OTOP1: variants seen among roughly 807,000 people sequenced by gnomAD.
The protein encoded by OTOP1 is proton channel OTOP1.
OTOP1 carries 59 observed loss-of-function variants against 52.9 expected under a neutral mutation model. That is an observed-to-expected ratio of 1.12 (90% CI 0.91 to 1.39). The LOEUF is 1.39. OTOP1 is among the 40% of genes most tolerant of loss of function. The pLI, the probability that OTOP1 is intolerant of heterozygous loss-of-function variation, is 0.00. For missense variants in OTOP1, 761 were observed against 800.9 expected (o/e 0.95, Z 0.60); for synonymous variants, 317 against 337.7 (o/e 0.94, Z 0.67).
chr4:4,223,409 A>G (rs145990826), intron 1 of OTOP1, among the ~76,000 whole-genome samples: 5,786 of 149,100 alleles, frequency 0.039, 146 homozygotes, highest in African/African-American at 0.063. Context: ...ATGGACGGAC[A>G]GATGGATGGA....
chr4:4,218,722 G>A (rs534336027), intron 1 of OTOP1, among the ~76,000 whole-genome samples: 1 of 152,250 alleles, frequency 6.6e-6, no homozygotes, highest in East Asian at 1.9e-4. Flanking sequence ...GAGGTCAGGA[G>A]TTCGAGACCA....
chr4:4,195,032 G>C (rs1391865893), intron 5 of OTOP1, among the ~76,000 whole-genome samples: 1 of 152,032 alleles, frequency 6.6e-6, no homozygotes, highest in East Asian at 1.9e-4. Context: ...CTCCATCCTT[G>C]CTACATACAG....
chr4:4,208,338 C>T lies in OTOP1; in HGVS notation c.541-2208G>A, dbSNP rs571033374. Among the ~76,000 whole-genome samples the T allele has an allele frequency of 3.5e-4, 53 of 152,266 alleles. No homozygotes were observed. In the South Asian group the frequency reaches 3.9e-3, roughly 11 times the overall value. On this transcript the variant is annotated intron_variant, in intron 2 of 5. Transcript: ENST00000296358. ...TAGAATGGGAGGCAGGTTTGCCTGA[C>T]GCAGTTCCCAGCTTGACTTTTCCCT...
At chr4:4,199,220 T>TTGTGTGTGTGTGTGTCTGTGTGTG (rs151144007) in intron 4 of OTOP1, among the ~76,000 whole-genome samples, 1 of 54,158 alleles carries the variant, frequency 1.8e-5, no homozygotes, top group Non-Finnish European at 3.9e-5. Flanking sequence ...TCAGGTAAAA[T>TTGTGTGTGTGTGTGTCTGTGTGTG]TGTGTGTGTG....
At chr4:4,199,924 C>T (rs958767562) in intron 4 of OTOP1, among the ~76,000 whole-genome samples, 35 of 152,008 alleles carry the variant, frequency 2.3e-4, no homozygotes, top group African/African-American at 8.0e-4. Context: ...AATTTGGAAG[C>T]GTCTCTGATA....
At chr4:4,199,666 G>A (rs1178682239) in intron 4 of OTOP1, among the ~76,000 whole-genome samples, 2 of 152,160 alleles carry the variant, frequency 1.3e-5, no homozygotes, top group African/African-American at 2.4e-5. Context: ...GCCTGCCTCC[G>A]CCTCCCAAAG....
At chr4:4,224,233 G>A (rs1199012387) in intron 1 of OTOP1, among the ~76,000 whole-genome samples, 2 of 151,964 alleles carry the variant, frequency 1.3e-5, no homozygotes, top group African/African-American at 4.8e-5. Context: ...TATAATCCCA[G>A]CTACTTGGGA....
chr4:4,213,658 A>G (rs1198846145), intron 1 of OTOP1, among the ~76,000 whole-genome samples: 1 of 152,134 alleles, frequency 6.6e-6, no homozygotes, highest in Non-Finnish European at 1.5e-5. Flanking sequence ...TTCCTTTTTA[A>G]GCCGAATAAT....
In OTOP1 at chr4:4,197,641, G is replaced by A. The variant is rs753716489; in HGVS notation, c.1193C>T (p.Ala398Val). Residue 398 changes from alanine to valine, a missense_variant, in exon 5 of 6, where the codon GCC (alanine) becomes GTC (valine). Ala to Val is a moderately conservative substitution (Grantham distance 64, BLOSUM62 0). Coordinates refer to ENST00000296358, the MANE Select transcript of OTOP1 (RefSeq NM_177998.3). The part of the protein sequence containing the change: ...KLDSDLLVGT[A>V]SGSWLISWGS... ...CCAGGAGATAAGCCAGGAGCCCGAG[G>A]CAGTGCCCACCAAGAGGTCCGAGTC... The A allele has an allele frequency of 1.4e-5, 22 of 1,613,726 alleles. 1 individual carries two copies. Among genetic ancestry groups the A allele is most frequent in the South Asian group, 2.2e-5 (2 of 91,030 alleles).
At position 4,188,826 on chromosome 4, in the gene OTOP1, A is replaced by C; in HGVS notation, c.1816T>G (p.Phe606Val). The C allele has an allele frequency of 1.2e-6, 2 of 1,613,714 alleles. No homozygotes were observed. Among genetic ancestry groups the C allele is most frequent in the South Asian group, 2.2e-5 (2 of 91,012 alleles). The change falls in exon 6 of 6, where the codon TTT becomes GTT. Residue 606 changes from phenylalanine (F) to valine (V), a missense_variant. Physicochemically the swap from Phe to Val is conservative, Grantham distance 50. Coordinates refer to ENST00000296358, the MANE Select transcript of OTOP1 (RefSeq NM_177998.3). ...FYRMHAAASL[F>V]EVYCKI ...GACTATATCTTACAATAGACCTCAA[A>C]GAGGGAGGCAGCTGCGTGCATTCGA...
At chr4:4,211,222 G>A (rs1194475148) in intron 2 of OTOP1, among the ~76,000 whole-genome samples, 1 of 152,156 alleles carries the variant, frequency 6.6e-6, no homozygotes, top group African/African-American at 2.4e-5. Flanking sequence ...AGGTCACTTT[G>A]GATAAAAGAT....
intron 5 of OTOP1, among the ~76,000 whole-genome samples, chr4:4,194,363 G>A (rs1716576713): frequency 6.6e-6 from 1 of 152,200 alleles, no homozygotes; most frequent in African/African-American, 2.4e-5. Context: ...TTGGTTCACT[G>A]CTGTGCCCCT....
chr4:4,202,561 G>A lies in OTOP1; in HGVS notation c.617C>T (p.Ser206Leu), dbSNP rs150117288. ...CCACAGAAGCAGGTTGGTGAACACC[G>A]AGTGGATCACTCCAAACCTGAAAAA... ...KTLERFGVIHSVFTNLLLWAN... is the reference protein window; with the variant it reads ...KTLERFGVIHLVFTNLLLWAN... The change falls in exon 4 of 6, where the codon TCG becomes TTG. Residue 206 changes from serine to leucine, a missense_variant. Ser to Leu is a moderately radical substitution (Grantham distance 145). Coordinates refer to ENST00000296358, the MANE Select transcript of OTOP1 (RefSeq NM_177998.3). 3.6e-5 allele frequency: 58 copies of A among 1,613,874 alleles called. No homozygotes were observed. The highest frequency in any genetic ancestry group is 8.0e-5 in the African/African-American group (6 of 74,908).
At chr4:4,210,327 A>G (rs1319808962) in intron 2 of OTOP1, among the ~76,000 whole-genome samples, 2 of 152,192 alleles carry the variant, frequency 1.3e-5, no homozygotes, top group South Asian at 4.1e-4. Flanking sequence ...GTTATCTTTG[A>G]TCAGCTTGGG....
rs79817157 is a variant in OTOP1, at chr4:4,226,048, G to C, written c.403+414C>G. Among the ~76,000 whole-genome samples, 1,344 of 152,328 alleles carry C rather than the reference G, an allele frequency of 8.8e-3. 22 individuals are homozygous for C. Among genetic ancestry groups the C allele is most frequent in the African/African-American group, 0.03 (1,265 of 41,576 alleles). On this transcript the variant is annotated intron_variant, in intron 1 of 5. Transcript: ENST00000296358. Reference sequence around the variant, plus strand: ...TCCTGCGATGGGCGAGAAAGTTCGCGAGAATGACCCCAGCACAGGATGAGA... The same window carrying C: ...TCCTGCGATGGGCGAGAAAGTTCGCCAGAATGACCCCAGCACAGGATGAGA...
At chr4:4,223,771 T>C (rs1402323363) in intron 1 of OTOP1, among the ~76,000 whole-genome samples, 2 of 151,774 alleles carry the variant, frequency 1.3e-5, no homozygotes, top group Non-Finnish European at 2.9e-5. Flanking sequence ...TGTGGTGGCA[T>C]GTGCACCTGT....
At chr4:4,219,398 C>T (rs1717218910) in intron 1 of OTOP1, among the ~76,000 whole-genome samples, 1 of 152,064 alleles carries the variant, frequency 6.6e-6, no homozygotes, top group Non-Finnish European at 1.5e-5. Flanking sequence ...TCCTTTATCG[C>T]TACATATGAT....
intron 1 of OTOP1, among the ~76,000 whole-genome samples, chr4:4,221,931 A>G (rs1279292216): frequency 1.3e-5 from 2 of 152,070 alleles, no homozygotes; most frequent in African/African-American, 4.8e-5. Flanking sequence ...CTTACTTTAG[A>G]ATGCTTTTCT....
intron 1 of OTOP1, among the ~76,000 whole-genome samples, chr4:4,223,923 G>A (rs1315259157): frequency 6.6e-5 from 10 of 151,214 alleles, no homozygotes; most frequent in Non-Finnish European, 1.0e-4. Flanking sequence ...CAGCAGGGGA[G>A]AGAGGAAGAG....
Sources: allele counts gnomAD v4.1 joint callset (sites outside exome capture counted in the v4.1 genomes callset), GRCh38; gene constraint gnomAD v4.1.1; transcripts MANE v1.5; gene names NCBI Gene and HGNC (gene_info 2026-07-23, HGNC 2026-07-21).